ERICH6B: variants seen among roughly 807,000 people sequenced by gnomAD.
ERICH6B encodes the protein glutamate-rich protein 6B.
ERICH6B carries 69 observed loss-of-function variants against 80.0 expected under a neutral mutation model. That is an observed-to-expected ratio of 0.86 (90% confidence interval 0.71 to 1.05). The LOEUF is 1.05. Among genes scored for constraint, ERICH6B ranks in the 50% least tolerant of loss-of-function variants. The pLI, the probability that ERICH6B is intolerant of heterozygous loss-of-function variation, is 0.00. For synonymous variants in ERICH6B, 283 were observed against 291.9 expected (o/e 0.97, Z 0.31); for missense variants, 754 against 796.1 (o/e 0.95, Z 0.64).
At chr13:45,576,207 G>GT (rs1875395620) in intron 7 of ERICH6B, among the ~76,000 whole-genome samples, 1 of 152,204 alleles carries the variant, frequency 6.6e-6, no homozygotes, top group Admixed American at 6.5e-5. Flanking sequence ...TACCCACACT[G>GT]TCCTGGGGCC....
intron 4 of ERICH6B, 143 bp downstream of exon 4, chr13:45,590,506 T>C (rs1171431882): frequency 2.8e-6 from 2 of 710,056 alleles, no homozygotes; most frequent in Non-Finnish European, 4.6e-6. Context: ...GCGAGCAGGG[T>C]TGTAACTTCC....
intron 2 of ERICH6B, among the ~76,000 whole-genome samples, chr13:45,606,501 A>ATGTG (rs71994482): frequency 6.8e-4 from 32 of 47,266 alleles, no homozygotes; most frequent in South Asian, 1.5e-3. Context: ...CCAAAAGTGT[A>ATGTG]TGTGTATATA....
At chr13:45,611,594 G>T (rs113781150) in intron 1 of ERICH6B, among the ~76,000 whole-genome samples, 3,419 of 152,274 alleles carry the variant, frequency 0.022, 66 homozygotes, top group Non-Finnish European at 0.033. Context: ...GACAAACAGG[G>T]CATTGTTCTT....
intron 2 of ERICH6B, among the ~76,000 whole-genome samples, chr13:45,597,489 G>A (rs1876449403): frequency 6.6e-6 from 1 of 152,194 alleles, no homozygotes; most frequent in African/African-American, 2.4e-5. Flanking sequence ...CAACACAATG[G>A]AAGGGGCTCC....
intron 3 of ERICH6B, among the ~76,000 whole-genome samples, chr13:45,593,801 C>A (rs1876251863): frequency 1.3e-5 from 2 of 152,198 alleles, no homozygotes; most frequent in African/African-American, 4.8e-5. Flanking sequence ...TGCTGCTGAG[C>A]CCAGACAATC....
intron 11 of ERICH6B, among the ~76,000 whole-genome samples, chr13:45,554,626 C>G (rs1450892196): frequency 6.6e-6 from 1 of 152,236 alleles, no homozygotes; most frequent in Non-Finnish European, 1.5e-5. Context: ...GGAGTTGGCA[C>G]ATGTTCTCTC....
In ERICH6B at chr13:45,587,316, G is replaced by A. The variant is rs1421813151; in HGVS notation, c.687-84C>T. 1.5e-5 allele frequency: 19 copies of A among 1,268,932 alleles called. No individual in the cohort carries two copies. In the East Asian group the frequency reaches 4.8e-4, roughly 32 times the overall value. 78.6% of individuals were successfully genotyped at this position (1,268,932 alleles called of 1,614,324 possible). ...TTCTAAGGCATGTTAGGGGTTGAGG[G>A]GGTGCTCTTGATGTCCAGACCCAGA... On this transcript the variant is annotated intron_variant, in intron 4 of 14. Transcript: ENST00000298738.
At chr13:45,572,753 C>G (rs1014734112) in intron 8 of ERICH6B, among the ~76,000 whole-genome samples, 5 of 151,956 alleles carry the variant, frequency 3.3e-5, no homozygotes, top group African/African-American at 1.2e-4. Context: ...TATTAAAAAC[C>G]CTCACAAATC....
chr13:45,545,029 C>G (rs969408005), intron 13 of ERICH6B, 44 bp from the exon 14 acceptor site: 13 of 1,465,924 alleles, frequency 8.9e-6, no homozygotes, highest in Non-Finnish European at 1.2e-5. Context: ...GCGCTCAGCC[C>G]TGGGCCTCTG....
At chr13:45,562,543 G>A (rs1874729901) in intron 10 of ERICH6B, among the ~76,000 whole-genome samples, 1 of 152,186 alleles carries the variant, frequency 6.6e-6, no homozygotes, top group African/African-American at 2.4e-5. Flanking sequence ...TCTAGCTGTG[G>A]TATCAGCCAA....
Position 45,541,401 on chromosome 13 carries a change from C to T in ERICH6B, c.*61G>A. 1 of 1,444,376 alleles carries T rather than the reference C, an allele frequency of 6.9e-7. No individual in the cohort carries two copies. The highest frequency in any genetic ancestry group is 2.2e-5 in the Admixed American group (1 of 44,756). 89.5% of individuals were successfully genotyped at this position (1,444,376 alleles called of 1,614,324 possible). A position where few individuals can be genotyped will look rare whatever the true frequency, so the allele number is the denominator to read the frequency against. On this transcript the variant is annotated 3_prime_UTR_variant, in exon 15 of 15. Coordinates refer to ENST00000298738, the MANE Select transcript of ERICH6B (RefSeq NM_182542.3). ...CAACAGGTCTTTGGGTTTTTTTTCC[C>T]TGGAGCTCCCAAGGTCTCCAACTTC...
chr13:45,551,435 C>T (rs949810399), intron 11 of ERICH6B: 2 of 152,112 alleles, frequency 1.3e-5, no homozygotes, highest in Admixed American at 6.6e-5. Context: ...TCCTCCTACT[C>T]CTCCTTCACA....
At chr13:45,574,958 G>A in intron 7 of ERICH6B, 28 bp from the exon 8 acceptor site, 1 of 1,446,202 alleles carries the variant, frequency 6.9e-7, no homozygotes, top group South Asian at 1.3e-5. Flanking sequence ...AGCGTCGAAA[G>A]GAAGGGCATG....
Position 45,574,931 on chromosome 13 carries a change from C to T in ERICH6B, c.962-1G>A. On this transcript the variant is annotated splice_acceptor_variant, in intron 7 of 14. Transcript: ENST00000298738. LOFTEE classifies it high-confidence loss of function. ...TTCTCTTTAGAAGCAAACTCCAGGA[C>T]TTTCGATTTTGGAAGGAGCGTCGAA... 6.5e-7 allele frequency: 1 copy of T among 1,550,134 alleles called. No individual in the cohort carries two copies. The highest frequency in any genetic ancestry group is 2.4e-5 in the East Asian group (1 of 40,906).
chr13:45,554,786 G>C (rs1275411329), intron 11 of ERICH6B, among the ~76,000 whole-genome samples: 1 of 152,264 alleles, frequency 6.6e-6, no homozygotes, highest in African/African-American at 2.4e-5. Flanking sequence ...AGCTGTGCCA[G>C]AGCTGTTCTG....
chr13:45,603,720 C>T (rs946803672), intron 2 of ERICH6B, among the ~76,000 whole-genome samples: 10 of 152,194 alleles, frequency 6.6e-5, no homozygotes, highest in South Asian at 2.1e-4. Context: ...CTCCCCTGCC[C>T]GTTCCTAGCA....
intron 4 of ERICH6B, among the ~76,000 whole-genome samples, chr13:45,587,969 G>T (rs1263990861): frequency 1.5e-4 from 23 of 152,224 alleles, no homozygotes; most frequent in Non-Finnish European, 3.2e-4. Context: ...TGGTGACTAT[G>T]GTTGGTAGAA....
At chr13:45,565,041 G>A (rs1456411899) in intron 9 of ERICH6B, among the ~76,000 whole-genome samples, 1 of 152,190 alleles carries the variant, frequency 6.6e-6, no homozygotes, top group African/African-American at 2.4e-5. Flanking sequence ...AATGCAATTA[G>A]GTTAGAATCA....
At chr13:45,580,882 A>G (rs184625062) in intron 5 of ERICH6B, among the ~76,000 whole-genome samples, 59 of 152,278 alleles carry the variant, frequency 3.9e-4, no homozygotes, top group African/African-American at 1.3e-3. Context: ...ATTGCAATAA[A>G]TTAGTCGTCA....
Sources: gnomAD v4.1 joint callset for allele counts (sites outside exome capture counted in the v4.1 genomes callset) on GRCh38, gnomAD v4.1.1 for gene constraint, MANE v1.5 for transcripts, NCBI Gene and HGNC (gene_info 2026-07-23, HGNC 2026-07-21) for gene names.